Variants in HM13 observed in about 807,000 individuals in gnomAD.
HM13 encodes the protein histocompatibility minor 13, also known as signal peptide peptidase.
In HM13, 18 loss-of-function variants were observed where a neutral mutation model predicts 50.0. That is an observed-to-expected ratio of 0.36 (90% CI 0.25 to 0.53). The LOEUF is 0.53. Ranked by LOEUF, HM13 falls within the 20% of genes least tolerant of loss-of-function variation. The pLI is 0.90. For missense variants in HM13, 393 were observed against 552.4 expected, an observed-to-expected ratio of 0.71 and a Z score of 2.89; for synonymous variants, 197 against 232.6, an observed-to-expected ratio of 0.85 and a Z score of 1.39.
chr20:31,549,067 T>C lies in HM13; in HGVS notation c.493T>C (p.Cys165Arg), dbSNP rs764034697. The C allele has an allele frequency of 1.2e-6, 2 of 1,614,114 alleles. No homozygotes were observed. Among genetic ancestry groups the C allele is most frequent in the South Asian group, 2.2e-5 (2 of 91,078 alleles). Residue 165 changes from cysteine (C) to arginine (R), a missense_variant, in exon 5 of 13, where the codon TGC becomes CGC. Coordinates refer to ENST00000398174, the MANE Select transcript of HM13 (RefSeq NM_178581.3). The part of the protein sequence containing the change: ...NYEFDTKDLV[C>R]LGLSSIVGVW... Reference sequence around the variant, plus strand: ...TGAATTTGACACCAAGGACCTGGTGTGCCTGGGCCTGAGCAGCATCGTTGG... The same window carrying C: ...TGAATTTGACACCAAGGACCTGGTGCGCCTGGGCCTGAGCAGCATCGTTGG...
rs764200650 is a variant in HM13 at position 31,538,239 on chromosome 20, C to G, written c.343C>G (p.Leu115Val). The G allele has an allele frequency of 6.4e-5, 103 of 1,614,020 alleles. 2 individuals are homozygous for G. In the South Asian group the frequency reaches 8.9e-4, roughly 14 times the overall value. The change falls in exon 3 of 13, where the codon CTG becomes GTG. Residue 115 changes from leucine (L) to valine (V), a missense_variant. By Grantham distance (32) the Leu-to-Val change is conservative. This residue lies in a region of HM13 where 214 missense variants were observed against 276.1 expected (regional missense o/e 0.77). Transcript: ENST00000398174. ...CATGTATTTCTTCGTGCTGGGAATC[C>G]TGGCCCTGTCCCACACCATCAGGTC... is the stretch of plus-strand genomic sequence containing the variant. ...LSMYFFVLGI[L>V]ALSHTISPFM...
chr20:31,547,353 C>T (rs1256888942), intron 4 of HM13: 1 of 341,654 alleles, frequency 2.9e-6, no homozygotes, highest in South Asian at 3.7e-5. Flanking sequence ...GGCCGTAAAG[C>T]GCGCTGGCTG....
intron 1 of HM13, among the ~76,000 whole-genome samples, chr20:31,515,512 C>G (rs375850766): frequency 2.0e-5 from 3 of 152,304 alleles, no homozygotes; most frequent in East Asian, 3.9e-4. Flanking sequence ...AACCTGTAAC[C>G]CTTTTCCCAC....
At chr20:31,555,718 C>G (rs140075887) in intron 8 of HM13, among the ~76,000 whole-genome samples, 41 of 151,750 alleles carry the variant, frequency 2.7e-4, no homozygotes, top group African/African-American at 9.2e-4. Flanking sequence ...CCTGTAATTC[C>G]AACACTTTGG....
intron 12 of HM13, 23 bp from the exon 13 acceptor site, chr20:31,569,097 G>GTT: frequency 1.4e-6 from 2 of 1,425,614 alleles, no homozygotes. Context: ...AATTTTTATT[G>GTT]TTGTTTTTTT....
chr20:31,552,877 G>A (rs925110809), intron 7 of HM13, among the ~76,000 whole-genome samples: 8 of 152,314 alleles, frequency 5.3e-5, no homozygotes, highest in East Asian at 3.9e-4. Context: ...CCCTGTGCAC[G>A]CACCTCTGTG....
chr20:31,548,259 C>G, intron 4 of HM13: 1 of 511,768 alleles, frequency 2.0e-6, no homozygotes, highest in Non-Finnish European at 3.6e-6. Flanking sequence ...TGCTAACACT[C>G]TGGAATGTGA....
At chr20:31,527,097 T>G (rs1228540662) in intron 1 of HM13, among the ~76,000 whole-genome samples, 1 of 152,090 alleles carries the variant, frequency 6.6e-6, no homozygotes, top group East Asian at 1.9e-4. Context: ...TCCCAGCACT[T>G]TGGGAGGCCG....
At chr20:31,564,178 A>C (rs1984766545) in intron 10 of HM13, 1 of 152,158 alleles carries the variant, frequency 6.6e-6, no homozygotes. Flanking sequence ...CCATTCACTG[A>C]GTATTTACCA....
chr20:31,568,367 G>T, intron 12 of HM13, 143 bp downstream of exon 12: 1 of 1,196,452 alleles, frequency 8.4e-7, no homozygotes, highest in East Asian at 2.6e-5. Flanking sequence ...CAACCACCAG[G>T]CAGTGGTTGC....
chr20:31,526,414 C>T (rs565286939), intron 1 of HM13, among the ~76,000 whole-genome samples: 6 of 152,176 alleles, frequency 3.9e-5, no homozygotes, highest in Admixed American at 1.3e-4. Context: ...GCCTCGGCCT[C>T]CCAAAGTGCT....
intron 3 of HM13, among the ~76,000 whole-genome samples, chr20:31,543,648 T>C (rs1169952406): frequency 1.3e-5 from 2 of 151,746 alleles, no homozygotes; most frequent in Admixed American, 6.6e-5. Flanking sequence ...GAGAGTTCCC[T>C]TGGCCGGGCG....
At chr20:31,535,823 A>G (rs1055248762) in intron 2 of HM13, among the ~76,000 whole-genome samples, 7 of 152,186 alleles carry the variant, frequency 4.6e-5, no homozygotes, top group African/African-American at 1.7e-4. Flanking sequence ...ACAGACACCA[A>G]TCACACAGAT....
intron 1 of HM13, among the ~76,000 whole-genome samples, chr20:31,526,061 G>A (rs1433985903): frequency 6.6e-6 from 1 of 152,084 alleles, no homozygotes; most frequent in Non-Finnish European, 1.5e-5. Context: ...GGAGGCAGAG[G>A]TTGCCGTGAG....
chr20:31,557,496 G>C (rs982928919), intron 8 of HM13, among the ~76,000 whole-genome samples: 1 of 152,162 alleles, frequency 6.6e-6, no homozygotes, highest in Non-Finnish European at 1.5e-5. Context: ...GAAAATCCCT[G>C]GCAGAGCTCT....
At chr20:31,564,132 C>T (rs1984764830) in intron 10 of HM13, 1 of 151,996 alleles carries the variant, frequency 6.6e-6, no homozygotes, top group Non-Finnish European at 1.5e-5. Flanking sequence ...AATCTCTTCA[C>T]TTCATGAGCA....
chr20:31,538,627 C>A, intron 3 of HM13: 1 of 1,202,042 alleles, frequency 8.3e-7, no homozygotes, highest in Non-Finnish European at 1.0e-6. Flanking sequence ...GGGCTCCTCA[C>A]ACATGATCGT....
intron 7 of HM13, among the ~76,000 whole-genome samples, chr20:31,551,141 T>C (rs1298509730): frequency 1.3e-5 from 2 of 152,232 alleles, no homozygotes; most frequent in Non-Finnish European, 1.5e-5. Context: ...GTTTGAAACA[T>C]TTCTGGTTGA....
intron 10 of HM13, among the ~76,000 whole-genome samples, chr20:31,562,236 G>A (rs929969997): frequency 1.7e-4 from 26 of 152,190 alleles, no homozygotes; most frequent in African/African-American, 6.0e-4. Flanking sequence ...AGCTGCCACA[G>A]AATGAAGCAA....
Sources: gnomAD v4.1 joint callset for allele counts (sites outside exome capture counted in the v4.1 genomes callset) on GRCh38, gnomAD v4.1.1 for gene constraint, gnomAD v4.1.1 regional missense constraint, MANE v1.5 for transcripts, NCBI Gene and HGNC (gene_info 2026-07-23, HGNC 2026-07-21) for gene names.